RTF2: variants seen among roughly 807,000 people sequenced by gnomAD.
RTF2 encodes the protein UPF0549 protein C20orf43.
A neutral mutation model predicts 38.0 loss-of-function variants in RTF2; 18 were observed. That is an observed-to-expected ratio of 0.47 (90% CI 0.33 to 0.70). The LOEUF (loss-of-function observed/expected upper bound fraction) is 0.70, where lower values mean the gene tolerates loss of function less well. Among genes scored for constraint, RTF2 ranks in the 30% least tolerant of loss-of-function variants. The pLI, the probability that RTF2 is intolerant of heterozygous loss-of-function variation, is 0.02. For missense variants in RTF2, 311 were observed against 379.6 expected (o/e 0.82, Z 1.50); for synonymous variants, 126 against 137.1 (o/e 0.92, Z 0.57).
intron 4 of RTF2, among the ~76,000 whole-genome samples, chr20:56,481,264 G>A (rs1222772241): frequency 1.3e-5 from 2 of 152,166 alleles, no homozygotes; most frequent in African/African-American, 4.8e-5. Context: ...ATTTAATCCT[G>A]AGCATTCTGG....
intron 5 of RTF2, among the ~76,000 whole-genome samples, chr20:56,504,870 T>G (rs910155390): frequency 6.6e-6 from 1 of 152,260 alleles, no homozygotes; most frequent in African/African-American, 2.4e-5. Flanking sequence ...TCTCTTCACC[T>G]GCTCATGGGG....
At chr20:56,474,455 G>A (rs895061585) in intron 2 of RTF2, among the ~76,000 whole-genome samples, 6 of 152,106 alleles carry the variant, frequency 3.9e-5, no homozygotes, top group East Asian at 1.9e-4. Context: ...CACTCCAGCC[G>A]GGGTGACAAG....
At chr20:56,483,341 C>CTT (rs11376576) in intron 4 of RTF2, among the ~76,000 whole-genome samples, 60 of 146,568 alleles carry the variant, frequency 4.1e-4, no homozygotes, top group East Asian at 2.0e-3. Flanking sequence ...CTTTCAATCT[C>CTT]TTTTTTTTTT....
chr20:56,469,035 T>C (rs1350808801), intron 1 of RTF2, among the ~76,000 whole-genome samples: 1 of 152,208 alleles, frequency 6.6e-6, no homozygotes, highest in Non-Finnish European at 1.5e-5. Flanking sequence ...GTTGTCCTCA[T>C]TTTCAGACAT....
chr20:56,484,250 G>T, intron 5 of RTF2, 61 bp downstream of exon 5: 1 of 1,339,596 alleles, frequency 7.5e-7, no homozygotes, highest in Non-Finnish European at 1.1e-6. Context: ...AGATGGTTTA[G>T]GGTCCTTTCC....
At chr20:56,491,657 C>T (rs1353291879) in intron 5 of RTF2, 37 of 1,551,950 alleles carry the variant, frequency 2.4e-5, no homozygotes, top group Admixed American at 3.9e-5. Flanking sequence ...TCTGTGCCGC[C>T]GCTCTAAGCA....
intron 5 of RTF2, among the ~76,000 whole-genome samples, chr20:56,501,345 AGT>A (rs1983916170): frequency 1.3e-5 from 2 of 152,312 alleles, no homozygotes; most frequent in East Asian, 3.9e-4. Context: ...ATGAAGGTTT[AGT>A]TACTAAACAT....
At chr20:56,469,292 A>T (rs1016996723) in intron 1 of RTF2, among the ~76,000 whole-genome samples, 6 of 152,232 alleles carry the variant, frequency 3.9e-5, no homozygotes, top group Non-Finnish European at 7.3e-5. Context: ...GCTAGACGGT[A>T]AGTTCCTGAT....
At chr20:56,483,053 C>CT (rs1314940262) in intron 4 of RTF2, among the ~76,000 whole-genome samples, 3 of 152,178 alleles carry the variant, frequency 2.0e-5, no homozygotes, top group African/African-American at 7.2e-5. Context: ...GATTTACCTT[C>CT]TTTTTAATAG....
chr20:56,508,855 G>A (rs547006639), intron 5 of RTF2, among the ~76,000 whole-genome samples: 6 of 152,276 alleles, frequency 3.9e-5, no homozygotes, highest in Middle Eastern at 3.4e-3. Context: ...ACCTTACATT[G>A]AATGTAAAAA....
chr20:56,491,895 C>G, intron 5 of RTF2: 1 of 710,496 alleles, frequency 1.4e-6, no homozygotes, highest in Non-Finnish European at 2.4e-6. Context: ...TCAGCTTCAC[C>G]AGAGTTCACA....
chr20:56,500,218 C>A (rs1983841324), intron 5 of RTF2, among the ~76,000 whole-genome samples: 1 of 151,800 alleles, frequency 6.6e-6, no homozygotes, highest in Non-Finnish European at 1.5e-5. Context: ...CCACACTCAG[C>A]TAATTTTGTA....
chr20:56,488,952 G>C (rs573064864), intron 5 of RTF2, among the ~76,000 whole-genome samples: 3 of 152,240 alleles, frequency 2.0e-5, no homozygotes, highest in East Asian at 1.9e-4. Context: ...TCTTGGCCTT[G>C]TTTTCCATTG....
intron 5 of RTF2, 48 bp downstream of exon 5, chr20:56,484,237 A>G (rs1366043773): frequency 6.8e-7 from 1 of 1,461,980 alleles, no homozygotes; most frequent in Non-Finnish European, 9.6e-7. Flanking sequence ...AGCTGAGGAA[A>G]TCAGATGGTT....
intron 5 of RTF2, among the ~76,000 whole-genome samples, chr20:56,494,607 T>C (rs1021738438): frequency 5.9e-5 from 9 of 152,202 alleles, no homozygotes; most frequent in African/African-American, 1.7e-4. Flanking sequence ...ATATCTGCTT[T>C]TGAAAAAACC....
rs923602936 is a variant in RTF2 at position 56,500,917 on chromosome 20, G to A, written c.478-12398G>A. Among the ~76,000 whole-genome samples the A allele has an allele frequency of 4.6e-5, 7 of 152,150 alleles. No individual in the cohort carries two copies. In the East Asian group the frequency reaches 1.3e-3, roughly 29 times the overall value. ...CCACTTCAGCCTCCCCAGCAGCTGG[G>A]ACTACAGGCATCTGGCTGATTTTTT... is the stretch of plus-strand genomic sequence containing the variant. On this transcript the variant is annotated intron_variant, in intron 5 of 8. Transcript: ENST00000357348.
chr20:56,487,694 A>C (rs897209502), intron 5 of RTF2, among the ~76,000 whole-genome samples: 1 of 152,238 alleles, frequency 6.6e-6, no homozygotes, highest in Admixed American at 6.5e-5. Context: ...CCCAAGCCGG[A>C]TGACTTACCG....
At chr20:56,487,611 T>C (rs142386696) in intron 5 of RTF2, among the ~76,000 whole-genome samples, 1,988 of 152,368 alleles carry the variant, frequency 0.013, 56 homozygotes, top group African/African-American at 0.046. Flanking sequence ...TTTTATACTG[T>C]ACATCAGAGT....
At position 56,474,716 on chromosome 20, in the gene RTF2, A is replaced by T. The variant is rs748608687; in HGVS notation, c.203A>T (p.Asp68Val). ...GATGCCGTCATTGAATTTCTCTTGG[A>T]CAAATCTGCAGAAAAGGCTCTTGGG... ...NKDAVIEFLL[D>V]KSAEKALGKA... Residue 68 changes from aspartate (D) to valine (V), a missense_variant, in exon 3 of 9, where the codon GAC (aspartate) becomes GTC (valine). Transcript: ENST00000357348. 3.7e-6 allele frequency: 6 copies of T among 1,611,958 alleles called. No individual in the cohort carries two copies. Among genetic ancestry groups the T allele is most frequent in the Non-Finnish European group, 5.1e-6 (6 of 1,179,326 alleles).
Sources: allele counts gnomAD v4.1 joint callset (sites outside exome capture counted in the v4.1 genomes callset), GRCh38; gene constraint gnomAD v4.1.1; transcripts MANE v1.5; gene names NCBI Gene and HGNC (gene_info 2026-07-23, HGNC 2026-07-21).